The following SPAG16 variants were observed in gnomAD, a reference collection of about 807,000 sequenced individuals.
SPAG16 encodes the protein sperm associated antigen 16.
A neutral mutation model predicts 80.4 loss-of-function variants in SPAG16; 86 were observed. That is an observed-to-expected ratio of 1.07 (90% CI 0.90 to 1.28). The LOEUF is 1.28. Ranked by LOEUF, SPAG16 falls within the 50% of genes most tolerant of loss-of-function variation. SPAG16 has a pLI of 0.00. For synonymous variants in SPAG16, 294 were observed against 265.9 expected (o/e 1.11, Z -1.03); for missense variants, 870 against 765.3 (o/e 1.14, Z -1.61).
intron 9 of SPAG16, among the ~76,000 whole-genome samples, chr2:213,407,629 G>GAC (rs2068698854): frequency 1.3e-5 from 1 of 77,240 alleles, no homozygotes; most frequent in African/African-American, 3.5e-5. Context: ...GAGAGAGAGA[G>GAC]AGAGAGAGAG....
At chr2:213,838,916 C>T (rs2074232804) in intron 10 of SPAG16, among the ~76,000 whole-genome samples, 1 of 152,172 alleles carries the variant, frequency 6.6e-6, no homozygotes, top group Admixed American at 6.5e-5. Context: ...GTGGTTTGAT[C>T]AGTTGCACCT....
intron 5 of SPAG16, among the ~76,000 whole-genome samples, chr2:213,322,334 CAAAA>C (rs755345457): frequency 1.3e-4 from 3 of 23,684 alleles, no homozygotes; most frequent in Non-Finnish European, 2.6e-4. Flanking sequence ...GTAGACAATG[CAAAA>C]AAAAAAAAAA....
intron 15 of SPAG16, among the ~76,000 whole-genome samples, chr2:214,312,999 A>C (rs2125981738): frequency 6.6e-6 from 1 of 152,212 alleles, no homozygotes. Context: ...AATAAACAAA[A>C]ATTCATTTAG....
At chr2:214,386,161 G>T (rs1026176678) in intron 15 of SPAG16, among the ~76,000 whole-genome samples, 1 of 152,102 alleles carries the variant, frequency 6.6e-6, no homozygotes, top group Non-Finnish European at 1.5e-5. Flanking sequence ...GATCACTTGA[G>T]CCCAGAAGTT....
At chr2:214,285,905 A>G (rs1693322928) in intron 15 of SPAG16, among the ~76,000 whole-genome samples, 1 of 152,186 alleles carries the variant, frequency 6.6e-6, no homozygotes, top group East Asian at 1.9e-4. Context: ...TTTGATGCCT[A>G]TGCTTTCACT....
At chr2:213,694,626 A>G (rs1327593890) in intron 10 of SPAG16, among the ~76,000 whole-genome samples, 1 of 152,126 alleles carries the variant, frequency 6.6e-6, no homozygotes, top group Non-Finnish European at 1.5e-5. Flanking sequence ...TAAGGTCATA[A>G]TCTGGACATT....
At chr2:213,418,614 T>C (rs1366518095) in intron 9 of SPAG16, among the ~76,000 whole-genome samples, 1 of 152,224 alleles carries the variant, frequency 6.6e-6, no homozygotes, top group African/African-American at 2.4e-5. Flanking sequence ...TTATTTTGTA[T>C]GGTCTTTTGA....
intron 10 of SPAG16, among the ~76,000 whole-genome samples, chr2:213,498,688 T>C (rs2074602132): frequency 6.6e-6 from 1 of 152,120 alleles, no homozygotes; most frequent in East Asian, 1.9e-4. Flanking sequence ...GCTCTCCTTT[T>C]TCATCATTTT....
chr2:214,069,131 A>G (rs1410654365), intron 13 of SPAG16, among the ~76,000 whole-genome samples: 1 of 152,174 alleles, frequency 6.6e-6, no homozygotes, highest in Admixed American at 6.6e-5. Context: ...TTTCCTACAT[A>G]AGATAAAATG....
intron 13 of SPAG16, among the ~76,000 whole-genome samples, chr2:214,039,829 G>T (rs1047998466): frequency 6.6e-6 from 1 of 152,192 alleles, no homozygotes; most frequent in African/African-American, 2.4e-5. Context: ...GTGAGATAGA[G>T]TTATTACTCA....
chr2:214,089,663 G>A (rs561737485), intron 13 of SPAG16, among the ~76,000 whole-genome samples: 53 of 151,714 alleles, frequency 3.5e-4, no homozygotes, highest in Non-Finnish European at 3.5e-4. Flanking sequence ...GCATCCTCCC[G>A]CCCCCTTGGT....
chr2:213,331,231 GC>G (rs1001939123), intron 5 of SPAG16, among the ~76,000 whole-genome samples: 1 of 152,152 alleles, frequency 6.6e-6, no homozygotes, highest in African/African-American at 2.4e-5. Flanking sequence ...GGGTCCTGAG[GC>G]CCCCATTCCA....
intron 10 of SPAG16, among the ~76,000 whole-genome samples, chr2:213,492,161 C>G (rs2074262928): frequency 6.7e-6 from 1 of 150,150 alleles, no homozygotes; most frequent in Admixed American, 6.6e-5. Flanking sequence ...TTTCTCTGTA[C>G]TCTCATTCTA....
chr2:213,979,034 C>T (rs1461992290), intron 12 of SPAG16, among the ~76,000 whole-genome samples: 2 of 151,934 alleles, frequency 1.3e-5, no homozygotes, highest in Non-Finnish European at 2.9e-5. Context: ...AATAATATCT[C>T]TTATAAGCTG....
intron 9 of SPAG16, among the ~76,000 whole-genome samples, chr2:213,452,870 T>C (rs2071786885): frequency 6.6e-6 from 1 of 152,218 alleles, no homozygotes; most frequent in Non-Finnish European, 1.5e-5. Context: ...TAAAAATTAT[T>C]CTCCACATAA....
At chr2:213,757,188 A>G (rs1388418488) in intron 10 of SPAG16, among the ~76,000 whole-genome samples, 3 of 152,202 alleles carry the variant, frequency 2.0e-5, no homozygotes, top group Admixed American at 2.0e-4. Context: ...GTTCTCTGAA[A>G]ACTACAAACA....
intron 10 of SPAG16, among the ~76,000 whole-genome samples, chr2:213,525,020 C>T (rs1301400845): frequency 6.6e-6 from 1 of 152,054 alleles, no homozygotes; most frequent in African/African-American, 2.4e-5. Context: ...CCCATAATCC[C>T]CACATTTCTT....
intron 10 of SPAG16, among the ~76,000 whole-genome samples, chr2:213,664,430 C>T (rs778853195): frequency 6.6e-6 from 1 of 151,904 alleles, no homozygotes; most frequent in Non-Finnish European, 1.5e-5. Flanking sequence ...TTAAAGAGGG[C>T]GTTATTAATA....
intron 15 of SPAG16, among the ~76,000 whole-genome samples, chr2:214,372,686 G>A (rs892026113): frequency 2.0e-5 from 3 of 152,148 alleles, no homozygotes; most frequent in Non-Finnish European, 4.4e-5. Flanking sequence ...GAGGGCAAAA[G>A]AATATGTCAT....
Sources: gnomAD v4.1 joint callset for allele counts (sites outside exome capture counted in the v4.1 genomes callset) on GRCh38, gnomAD v4.1.1 for gene constraint, MANE v1.5 for transcripts, NCBI Gene and HGNC (gene_info 2026-07-23, HGNC 2026-07-21) for gene names.